Variants in ASAP1 observed in about 807,000 individuals in gnomAD.
ASAP1 encodes arf-GAP with SH3 domain, ANK repeat and PH domain-containing protein 1.
In ASAP1, 43 loss-of-function variants were observed where a neutral mutation model predicts 145.2. The ratio of observed to expected loss-of-function variants is 0.30; its 90% CI spans 0.23 to 0.38. The LOEUF (loss-of-function observed/expected upper bound fraction) is 0.38. Among genes scored for constraint, ASAP1 ranks in the 10% least tolerant of loss-of-function variants. The probability of loss-of-function intolerance (pLI) is 1.00; values close to 1 mark genes in which losing one functional copy is unlikely to be tolerated. For missense variants in ASAP1, 1,018 were observed against 1,355.3 expected, an observed-to-expected ratio of 0.75 and a Z score of 3.91; for synonymous variants, 546 against 515.5, an observed-to-expected ratio of 1.06 and a Z score of -0.80.
chr8:130,184,304 C>T (rs1814567757), intron 7 of ASAP1, among the ~76,000 whole-genome samples: 1 of 152,204 alleles, frequency 6.6e-6, no homozygotes, highest in Non-Finnish European at 1.5e-5. Context: ...TAATCCTCGT[C>T]TACCACAGCA....
intron 2 of ASAP1, among the ~76,000 whole-genome samples, chr8:130,378,386 G>A (rs775752827): frequency 3.9e-5 from 6 of 152,242 alleles, no homozygotes; most frequent in East Asian, 1.9e-4. Flanking sequence ...ACTTCACGGC[G>A]AAGGTGACAC....
chr8:130,443,428 C>G (rs1269526972), intron 1 of ASAP1, 32 bp downstream of exon 1: 1 of 151,118 alleles, frequency 6.6e-6, no homozygotes, highest in Non-Finnish European at 1.5e-5. Flanking sequence ...CGCCCGGCCC[C>G]GCCGAGCGCG....
chr8:130,134,441 A>G, intron 14 of ASAP1, 97 bp from the exon 15 acceptor site: 1 of 687,092 alleles, frequency 1.5e-6, no homozygotes, highest in East Asian at 3.1e-5. Flanking sequence ...AACCAGTAAA[A>G]GTAGAATTTT....
intron 24 of ASAP1, among the ~76,000 whole-genome samples, chr8:130,093,682 A>AAAAAAAAAAAAAAT (rs2097510792): frequency 6.6e-6 from 1 of 150,672 alleles, no homozygotes. Context: ...AAAAAAAAAA[A>AAAAAAAAAAAAAAT]AAAAAAAGAA....
intron 1 of ASAP1, among the ~76,000 whole-genome samples, chr8:130,434,785 T>C (rs112933323): frequency 0.031 from 4,792 of 152,132 alleles, 97 homozygotes; most frequent in African/African-American, 0.057. Flanking sequence ...TCGGCCCATA[T>C]TGATGAGGTC....
intron 8 of ASAP1, among the ~76,000 whole-genome samples, 170 bp downstream of exon 8, chr8:130,180,581 T>C (rs1814286343): frequency 6.6e-6 from 1 of 152,176 alleles, no homozygotes; most frequent in Non-Finnish European, 1.5e-5. Context: ...AACAGTGCAA[T>C]GGCAGGTTCC....
At chr8:130,353,375 A>G (rs187734866) in intron 3 of ASAP1, among the ~76,000 whole-genome samples, 3 of 152,380 alleles carry the variant, frequency 2.0e-5, no homozygotes, top group Admixed American at 6.5e-5. Context: ...AAAATAGTAT[A>G]TTTAAGTATC....
chr8:130,293,373 A>G (rs1822062501), intron 3 of ASAP1, among the ~76,000 whole-genome samples: 1 of 152,158 alleles, frequency 6.6e-6, no homozygotes, highest in African/African-American at 2.4e-5. Context: ...CAATCACCCA[A>G]CTGAGGCAGC....
rs1031396329 is a variant in ASAP1, at chr8:130,359,813, C to T, written c.60-1670G>A. Among the ~76,000 whole-genome samples, 4 of 151,982 alleles carry T rather than the reference C, an allele frequency of 2.6e-5. No individual in the cohort carries two copies. The South Asian group carries it at 8.3e-4, about 32-fold the overall frequency. On this transcript the variant is annotated intron_variant, in intron 2 of 29. Coordinates refer to ENST00000518721, the MANE Select transcript of ASAP1 (RefSeq NM_018482.4). The stretch of plus-strand genomic sequence containing the variant: ...TAATTTTTTGTATTTTTAGTAGAGA[C>T]GGTGTTTTACCTTGTTAGCCAGGAT...
At chr8:130,303,799 CAGG>C (rs1822820886) in intron 3 of ASAP1, among the ~76,000 whole-genome samples, 1 of 152,184 alleles carries the variant, frequency 6.6e-6, no homozygotes, top group South Asian at 2.1e-4. Context: ...AGGTGGACCA[CAGG>C]AGATTTTTAG....
intron 3 of ASAP1, among the ~76,000 whole-genome samples, chr8:130,338,726 G>A (rs1306043837): frequency 6.6e-6 from 1 of 152,164 alleles, no homozygotes; most frequent in Non-Finnish European, 1.5e-5. Flanking sequence ...TTCCTCAGCT[G>A]AATGCTGAGG....
intron 4 of ASAP1, among the ~76,000 whole-genome samples, chr8:130,226,805 T>C (rs1325354211): frequency 6.6e-6 from 1 of 152,242 alleles, no homozygotes. Context: ...CTCTTCTGGC[T>C]TCATCATACA....
intron 3 of ASAP1, among the ~76,000 whole-genome samples, chr8:130,264,463 G>A (rs1176338998): frequency 6.6e-6 from 1 of 152,148 alleles, no homozygotes; most frequent in Non-Finnish European, 1.5e-5. Flanking sequence ...CCTTTCCTCT[G>A]CCTGCTTAGA....
rs751027766 is a variant in ASAP1 at position 130,358,047 on chromosome 8, G to T, written c.156C>A (p.Asn52Lys). 3 of 1,610,562 alleles carry T rather than the reference G, an allele frequency of 1.9e-6. No individual in the cohort carries two copies. The highest frequency in any genetic ancestry group is 1.7e-6 in the Non-Finnish European group (2 of 1,178,866). The part of the protein sequence containing the change: ...TTSSFTTRLH[N>K]CRNTVTLLEE... ...CCAGCAGCGTGACGGTGTTCCTGCA[G>T]TTGTGCAGCCGCGTGGTGAAGCTGG... Residue 52 changes from asparagine (N) to lysine (K), a missense_variant, in exon 3 of 30, where the codon AAC (asparagine) becomes AAA (lysine). Physicochemically the swap from Asn to Lys is moderately conservative, Grantham distance 94 (BLOSUM62 0). Coordinates refer to ENST00000518721, the MANE Select transcript of ASAP1 (RefSeq NM_018482.4). The surrounding 1 kb of genome is among the most constrained non-coding windows in gnomAD (Gnocchi z 4.1).
intron 13 of ASAP1, among the ~76,000 whole-genome samples, chr8:130,140,708 T>C (rs890980858): frequency 6.6e-6 from 1 of 152,200 alleles, no homozygotes. Flanking sequence ...TGAACTGCAT[T>C]TGACACAGGC....
intron 18 of ASAP1, among the ~76,000 whole-genome samples, chr8:130,123,613 C>CAG (rs1564986362): frequency 6.8e-6 from 1 of 146,798 alleles, no homozygotes; most frequent in East Asian, 2.2e-4. Flanking sequence ...CAAACAAACA[C>CAG]TGTAAAAAAC....
chr8:130,126,309 A>AAGTGAG (rs2097574873), intron 16 of ASAP1, among the ~76,000 whole-genome samples: 1 of 152,192 alleles, frequency 6.6e-6, no homozygotes, highest in Admixed American at 6.5e-5. Flanking sequence ...CCTTGTGAAA[A>AAGTGAG]AGTGAGAAAG....
intron 3 of ASAP1, among the ~76,000 whole-genome samples, chr8:130,265,193 T>A (rs1429749555): frequency 6.6e-6 from 1 of 152,134 alleles, no homozygotes; most frequent in Non-Finnish European, 1.5e-5. Flanking sequence ...GAGATGCTCA[T>A]AAATGTTTCT....
In ASAP1 at chr8:130,256,739, T is replaced by TATATATA. The variant is rs1565142439; in HGVS notation, c.187-19746_187-19745insTATATAT. Among the ~76,000 whole-genome samples the TATATATA allele has an allele frequency of 8.1e-3, 778 of 95,824 alleles. 56 individuals are homozygous for TATATATA. Among genetic ancestry groups the TATATATA allele is most frequent in the Non-Finnish European group, 0.01 (506 of 49,560 alleles). The allele number at this position is 95,824 out of a possible 152,430, so 62.9% of individuals were successfully genotyped here. A position where few individuals can be genotyped will look rare whatever the true frequency, so the allele number is the denominator to read the frequency against. On this transcript the variant is annotated intron_variant, in intron 3 of 29. Transcript: ENST00000518721. Reference sequence around the variant, plus strand: ...ATCTTCTTCCTGAATATACACATTCTTATATATATATATATATATATATAT... The same window carrying TATATATA: ...ATCTTCTTCCTGAATATACACATTCTATATATATATATATATATATATATATATATAT...
Sources: allele counts gnomAD v4.1 joint callset (sites outside exome capture counted in the v4.1 genomes callset), GRCh38; gene constraint gnomAD v4.1.1; non-coding constraint Gnocchi (gnomAD v3.1); transcripts MANE v1.5; gene names NCBI Gene and HGNC (gene_info 2026-07-23, HGNC 2026-07-21).